CTBP2: variants seen among roughly 807,000 people sequenced by gnomAD.
CTBP2 encodes the protein C-terminal-binding protein 2.
A neutral mutation model predicts 80.3 loss-of-function variants in CTBP2; 30 were observed. The observed-to-expected ratio is 0.37, with a 90% CI of 0.28 to 0.51. The LOEUF is 0.51. CTBP2 is among the 20% of genes least tolerant of loss of function. The probability of loss-of-function intolerance (pLI) is 0.93; values close to 1 mark genes in which losing one functional copy is unlikely to be tolerated. For synonymous variants in CTBP2, 594 were observed against 587.4 expected (o/e 1.01, Z -0.16); for missense variants, 1,212 against 1,375.3 (o/e 0.88, Z 1.88).
intron 1 of CTBP2, among the ~76,000 whole-genome samples, chr10:125,128,816 A>C (rs1855683855): frequency 6.6e-6 from 1 of 152,268 alleles, no homozygotes; most frequent in Admixed American, 6.5e-5. Context: ...AAGAGAAATG[A>C]AATCATATGT....
Position 124,986,956 on chromosome 10 carries a change from G to A in CTBP2, c.*2562C>T, listed in dbSNP as rs1322312638. On this transcript the variant is annotated 3_prime_UTR_variant, in exon 9 of 9. Transcript: ENST00000309035. Reference sequence around the variant, plus strand: ...TGGTCTGGTGAGTGTTGTTTCCCCTGAGCGCTCTATTATTTATTTATTTAT... The same window carrying A: ...TGGTCTGGTGAGTGTTGTTTCCCCTAAGCGCTCTATTATTTATTTATTTAT... The A allele has an allele frequency of 6.6e-6, 1 of 151,096 alleles. No individual in the cohort carries two copies. The highest frequency in any genetic ancestry group is 1.5e-5 in the Non-Finnish European group (1 of 67,478). 9.4% of individuals were successfully genotyped at this position (151,096 alleles called of 1,614,324 possible). A position where few individuals can be genotyped will look rare whatever the true frequency, so the allele number is the denominator to read the frequency against.
intron 1 of CTBP2, among the ~76,000 whole-genome samples, chr10:125,118,720 G>A (rs1323033936): frequency 1.3e-5 from 2 of 150,302 alleles, no homozygotes; most frequent in East Asian, 2.0e-4. Context: ...GAGGCGCTGG[G>A]GGGTGGGAGG....
At chr10:125,009,986 C>T (rs1244869624) in intron 1 of CTBP2, among the ~76,000 whole-genome samples, 4 of 152,202 alleles carry the variant, frequency 2.6e-5, no homozygotes, top group Admixed American at 2.0e-4. Flanking sequence ...GTTGGCTGAT[C>T]TGGAAAGTGA....
chr10:125,018,782 CCCG>C (rs1307208803), intron 1 of CTBP2, among the ~76,000 whole-genome samples: 1 of 152,212 alleles, frequency 6.6e-6, no homozygotes, highest in Non-Finnish European at 1.5e-5. Flanking sequence ...GGACGCGCTC[CCCG>C]CCAACGCCAC....
intron 2 of CTBP2, among the ~76,000 whole-genome samples, chr10:125,049,108 C>A (rs1962073849): frequency 7.5e-6 from 1 of 133,602 alleles, no homozygotes; most frequent in Admixed American, 7.5e-5. Flanking sequence ...CCTGACCACA[C>A]ACATACACAC....
chr10:125,150,045 T>C (rs1859545240), intron 1 of CTBP2, among the ~76,000 whole-genome samples: 1 of 152,226 alleles, frequency 6.6e-6, no homozygotes, highest in Non-Finnish European at 1.5e-5. Flanking sequence ...AAACAGACTA[T>C]CACAGTTAGG....
chr10:125,055,791 G>A (rs1963770598), intron 2 of CTBP2, among the ~76,000 whole-genome samples: 1 of 152,236 alleles, frequency 6.6e-6, no homozygotes, highest in Non-Finnish European at 1.5e-5. Context: ...GTTGGCAGGG[G>A]AGTCCCTCTG....
Position 125,093,088 on chromosome 10 carries a change from C to A in CTBP2, c.-102+17902G>T, listed in dbSNP as rs75685420. On this transcript the variant is annotated intron_variant, in intron 2 of 10. Coordinates refer to the CTBP2 transcript ENST00000337195. ...TCTCTTTACTGCCTCAGTATCTCAGCCCCCTTCATCTGCACTGTCCAAAGC... is the reference window on the plus strand; with the variant it reads ...TCTCTTTACTGCCTCAGTATCTCAGACCCCTTCATCTGCACTGTCCAAAGC... Among the ~76,000 whole-genome samples, 11 of 152,328 alleles carry A rather than the reference C, an allele frequency of 7.2e-5. No homozygotes were observed. The East Asian group carries it at 1.9e-3, about 27-fold the overall frequency.
At chr10:125,144,085 A>C (rs1293347730) in intron 1 of CTBP2, among the ~76,000 whole-genome samples, 2 of 152,188 alleles carry the variant, frequency 1.3e-5, no homozygotes, top group South Asian at 4.1e-4. Context: ...TACAAACCTC[A>C]TATCAAGGGG....
In CTBP2 at chr10:125,066,722, C is replaced by A. The variant is rs1484776281; in HGVS notation, c.-101-27567G>T. Among the ~76,000 whole-genome samples, 1 of 152,154 alleles carries A rather than the reference C, an allele frequency of 6.6e-6. No individual in the cohort carries two copies. Among genetic ancestry groups the A allele is most frequent in the Non-Finnish European group, 1.5e-5 (1 of 68,030 alleles). On this transcript the variant is annotated intron_variant, in intron 2 of 10. Coordinates refer to the CTBP2 transcript ENST00000337195. The surrounding 1 kb of genome is among the most constrained non-coding windows in gnomAD (Gnocchi z 4.1). ...TGTGACTCTGGGTACATCACCTGAG[C>A]CCTTCACACCTGGGGGTTTCTTATC...
chr10:125,114,412 T>C lies in CTBP2; in HGVS notation c.-205-3319A>G, dbSNP rs114889522. 4.0e-3 allele frequency among the ~76,000 whole-genome samples: 616 copies of C among 152,132 alleles called. 5 individuals carry two copies. The highest frequency in any genetic ancestry group is 0.013 in the African/African-American group (555 of 41,478). On this transcript the variant is annotated intron_variant, in intron 1 of 10. Coordinates refer to the CTBP2 transcript ENST00000337195. Reference sequence around the variant, plus strand: ...AGAAGAGAACCGCAGCACCCAGAGATGGATTTGGGGGTGGGAGTCCCAACC... The same window carrying C: ...AGAAGAGAACCGCAGCACCCAGAGACGGATTTGGGGGTGGGAGTCCCAACC...
At chr10:125,006,386 C>T (rs1052645312) in intron 1 of CTBP2, among the ~76,000 whole-genome samples, 1 of 152,132 alleles carries the variant, frequency 6.6e-6, no homozygotes, top group African/African-American at 2.4e-5. Flanking sequence ...ACCCCCAAGC[C>T]CTGGGCATGA....
rs144937139 is a variant in CTBP2 at position 125,115,957 on chromosome 10, C to T, written c.-205-4864G>A. ...CCACACCCCTGCCCACCACAAACATCCAGGCTTCCTCAGAGACCTCTCTGG... is the reference window on the plus strand; with the variant it reads ...CCACACCCCTGCCCACCACAAACATTCAGGCTTCCTCAGAGACCTCTCTGG... On this transcript the variant is annotated intron_variant, in intron 1 of 10. Coordinates refer to the CTBP2 transcript ENST00000337195. Among the ~76,000 whole-genome samples the T allele has an allele frequency of 1.8e-4, 27 of 152,280 alleles. 1 individual carries two copies. In the East Asian group the frequency reaches 5.2e-3, roughly 29 times the overall value.
At chr10:125,094,706 A>T (rs545501162) in intron 2 of CTBP2, among the ~76,000 whole-genome samples, 1 of 152,280 alleles carries the variant, frequency 6.6e-6, no homozygotes, top group African/African-American at 2.4e-5. Context: ...TGAACATTGT[A>T]TGATGCACAG....
chr10:125,032,923 C>A (rs955104746), upstream of CTBP2: 2 of 154,694 alleles, frequency 1.3e-5, no homozygotes, highest in Admixed American at 6.5e-5. Context: ...GGCAAAGCAC[C>A]CACCGCCCAA....
At chr10:125,068,894 C>A (rs1014150921) in intron 2 of CTBP2, among the ~76,000 whole-genome samples, 2 of 152,246 alleles carry the variant, frequency 1.3e-5, no homozygotes, top group African/African-American at 4.8e-5. Flanking sequence ...AGGCCCCACT[C>A]TCCCCTCAGC....
At chr10:125,044,873 G>A (rs1221161445) in intron 2 of CTBP2, among the ~76,000 whole-genome samples, 2 of 152,126 alleles carry the variant, frequency 1.3e-5, no homozygotes, top group African/African-American at 2.4e-5. Flanking sequence ...AATGGCAACC[G>A]CAACACCACA....
chr10:125,022,705 C>T (rs539665681), intron 1 of CTBP2, among the ~76,000 whole-genome samples: 3 of 152,232 alleles, frequency 2.0e-5, no homozygotes, highest in African/African-American at 7.2e-5. Context: ...CTGGACTCAT[C>T]CCTCTGCTGG....
At chr10:125,061,998 C>T (rs935851357) in intron 2 of CTBP2, among the ~76,000 whole-genome samples, 2 of 152,162 alleles carry the variant, frequency 1.3e-5, no homozygotes, top group Admixed American at 6.5e-5. Context: ...GAGGTGGGAC[C>T]GAAGCCGGGT....
Sources: gnomAD v4.1 joint callset for allele counts (sites outside exome capture counted in the v4.1 genomes callset) on GRCh38, gnomAD v4.1.1 for gene constraint, Gnocchi (gnomAD v3.1) non-coding constraint, MANE v1.5 for transcripts, NCBI Gene and HGNC (gene_info 2026-07-23, HGNC 2026-07-21) for gene names.